Variants in COA1 observed in about 807,000 individuals in gnomAD.
The protein encoded by COA1 is cytochrome c oxidase assembly factor 1 homolog.
Under a neutral mutation model 16.0 loss-of-function variants are expected in COA1, and 13 were observed. The ratio of observed to expected loss-of-function variants is 0.81; its 90% CI spans 0.53 to 1.29. The LOEUF (loss-of-function observed/expected upper bound fraction) is 1.29. COA1 is among the 50% of genes most tolerant of loss of function. The probability of loss-of-function intolerance (pLI) is 0.00; values close to 1 mark genes in which losing one functional copy is unlikely to be tolerated. For missense variants in COA1, 179 were observed against 177.0 expected (o/e 1.01, Z -0.06); for synonymous variants, 65 against 65.7 (o/e 0.99, Z 0.05).
intron 1 of COA1, among the ~76,000 whole-genome samples, chr7:43,651,804 CT>C (rs1179558336): frequency 6.6e-6 from 1 of 151,966 alleles, no homozygotes; most frequent in Non-Finnish European, 1.5e-5. Context: ...CAAGACCAGC[CT>C]GGGCAACTTG....
At chr7:43,684,544 C>T (rs1334175593) in intron 1 of COA1, among the ~76,000 whole-genome samples, 1 of 152,140 alleles carries the variant, frequency 6.6e-6, no homozygotes, top group Non-Finnish European at 1.5e-5. Flanking sequence ...TCACCATATT[C>T]TATTGGTCAT....
At chr7:43,618,134 G>A (rs1167791996) in intron 6 of COA1, among the ~76,000 whole-genome samples, 1 of 152,148 alleles carries the variant, frequency 6.6e-6, no homozygotes, top group East Asian at 1.9e-4. Flanking sequence ...CCAATGTGAT[G>A]GAGACAGAAA....
chr7:43,726,613 G>C (rs149208945), intron 1 of COA1, among the ~76,000 whole-genome samples: 2 of 152,198 alleles, frequency 1.3e-5, no homozygotes, highest in East Asian at 3.9e-4. Context: ...TGCTCCTCAC[G>C]GGTTCTTTCA....
chr7:43,642,897 G>A (rs1278460080), intron 4 of COA1, among the ~76,000 whole-genome samples: 2 of 152,198 alleles, frequency 1.3e-5, no homozygotes, highest in South Asian at 4.1e-4. Flanking sequence ...AGGAATTTGG[G>A]ATAAGAGGGC....
chr7:43,626,283 A>G (rs2084531397), intron 6 of COA1: 1 of 152,202 alleles, frequency 6.6e-6, no homozygotes, highest in African/African-American at 2.4e-5. Flanking sequence ...CCACTATTTT[A>G]AAGTATGTAC....
At chr7:43,652,056 CA>C (rs1191173303) in intron 1 of COA1, among the ~76,000 whole-genome samples, 1 of 152,182 alleles carries the variant, frequency 6.6e-6, no homozygotes, top group Non-Finnish European at 1.5e-5. Context: ...ATAGAATTGA[CA>C]GCGGAAAGAC....
chr7:43,689,999 T>C (rs946064122), intron 1 of COA1, among the ~76,000 whole-genome samples: 2 of 152,012 alleles, frequency 1.3e-5, no homozygotes, highest in Non-Finnish European at 2.9e-5. Context: ...ATGGGACACA[T>C]AGAAAACAAA....
rs1228618305 is a variant in COA1, at chr7:43,639,461, G to A, written c.*121C>T. ...TGCTGGCACATACCATCATCCCACT[G>A]GTGGCTGGAAAACTGGGTTGCAGGA... On this transcript the variant is annotated 3_prime_UTR_variant, in exon 6 of 6. Coordinates refer to ENST00000223336, the MANE Select transcript of COA1 (RefSeq NM_018224.4). 2.2e-5 allele frequency: 16 copies of A among 733,034 alleles called. No individual in the cohort carries two copies. Among genetic ancestry groups the A allele is most frequent in the Non-Finnish European group, 3.6e-5 (15 of 415,818 alleles). The allele number at this position is 733,034 out of a possible 1,614,324, so 45.4% of individuals were successfully genotyped here.
chr7:43,647,932 A>C (rs983374798), intron 2 of COA1: 9 of 364,432 alleles, frequency 2.5e-5, no homozygotes, highest in Middle Eastern at 7.2e-4. Context: ...TGACAGACAC[A>C]GCCCAGACTG....
At chr7:43,661,794 T>C (rs2092460701) in intron 1 of COA1, among the ~76,000 whole-genome samples, 1 of 152,162 alleles carries the variant, frequency 6.6e-6, no homozygotes, top group African/African-American at 2.4e-5. Context: ...CAAAACCATT[T>C]TCAAAAAAAC....
At chr7:43,702,810 G>T (rs768885014) in intron 1 of COA1, among the ~76,000 whole-genome samples, 1 of 151,958 alleles carries the variant, frequency 6.6e-6, no homozygotes, top group Admixed American at 6.6e-5. Context: ...CCAACTTTTG[G>T]TTTCGTTGGT....
At chr7:43,636,586 G>C (rs373413987), downstream of COA1, among the ~76,000 whole-genome samples, 39 of 152,330 alleles carry the variant, frequency 2.6e-4, no homozygotes, top group African/African-American at 8.9e-4. Flanking sequence ...CTGGTGGCCA[G>C]AGGACAGAAG....
In COA1 at chr7:43,701,325, T is replaced by C. The variant is rs2094729481; in HGVS notation, c.-39+28104A>G. On this transcript the variant is annotated intron_variant, in intron 1 of 5. Coordinates refer to ENST00000223336, the MANE Select transcript of COA1 (RefSeq NM_018224.4). The stretch of plus-strand genomic sequence containing the variant: ...TTGTTCCCCTTCGTGTCTTCATGCA[T>C]TCACTGTTTAGCTCTCACTTATAAG... Among the ~76,000 whole-genome samples, 3 of 152,168 alleles carry C rather than the reference T, an allele frequency of 2.0e-5. 1 individual carries two copies. In the South Asian group the frequency reaches 6.2e-4, roughly 32 times the overall value.
At chr7:43,727,422 T>C (rs965977423) in intron 1 of COA1, among the ~76,000 whole-genome samples, 1 of 152,160 alleles carries the variant, frequency 6.6e-6, no homozygotes, top group African/African-American at 2.4e-5. Flanking sequence ...TGTAGGTGAA[T>C]GTTCACAGCA....
chr7:43,658,356 CA>C (rs1038478468), intron 1 of COA1, among the ~76,000 whole-genome samples: 48 of 139,004 alleles, frequency 3.5e-4, no homozygotes, highest in Middle Eastern at 3.6e-3. Context: ...GAGACTGTCT[CA>C]AAAAAAAAAA....
chr7:43,677,304 C>G (rs2093572004), intron 1 of COA1, among the ~76,000 whole-genome samples: 1 of 152,058 alleles, frequency 6.6e-6, no homozygotes, highest in Non-Finnish European at 1.5e-5. Flanking sequence ...GGAAAGAAAC[C>G]CATTTCAGTT....
intron 1 of COA1, among the ~76,000 whole-genome samples, chr7:43,686,408 G>A (rs1283996623): frequency 1.3e-5 from 2 of 149,478 alleles, no homozygotes; most frequent in Non-Finnish European, 3.0e-5. Context: ...CCGGGTTCAC[G>A]CCATTCTCCT....
At position 43,640,571 on chromosome 7, in the gene COA1, A is replaced by G. The variant is rs1218325342; in HGVS notation, c.341+2T>C. 14 of 1,600,276 alleles carry G rather than the reference A, an allele frequency of 8.7e-6. No homozygotes were observed. The highest frequency in any genetic ancestry group is 1.1e-5 in the Non-Finnish European group (13 of 1,172,922). ...CCCACTGCCGTCACCTTCCCAGGAT[A>G]CCTCTGAAAGGGGCCACCTCTGGAT... is the stretch of plus-strand genomic sequence containing the variant. On this transcript the variant is annotated splice_donor_variant, in intron 5 of 5. Transcript: ENST00000223336. LOFTEE classifies it high-confidence loss of function.
intron 1 of COA1, among the ~76,000 whole-genome samples, chr7:43,710,030 T>C (rs1169141989): frequency 6.6e-6 from 1 of 152,052 alleles, no homozygotes; most frequent in African/African-American, 2.4e-5. Flanking sequence ...AAAATAACAA[T>C]GAGCATTATT....
Sources: gnomAD v4.1 joint callset for allele counts (sites outside exome capture counted in the v4.1 genomes callset) on GRCh38, gnomAD v4.1.1 for gene constraint, MANE v1.5 for transcripts, NCBI Gene and HGNC (gene_info 2026-07-23, HGNC 2026-07-21) for gene names.